The following UNC79 variants were observed in gnomAD, a reference collection of about 807,000 sequenced individuals.
The protein encoded by UNC79 is protein unc-79 homolog.
In UNC79, 37 loss-of-function variants were observed where a neutral mutation model predicts 283.1. The ratio of observed to expected loss-of-function variants is 0.13; its 90% CI spans 0.10 to 0.17. The LOEUF (loss-of-function observed/expected upper bound fraction) is 0.17. Among genes scored for constraint, UNC79 ranks in the 10% least tolerant of loss-of-function variants. The pLI is 1.00. For synonymous variants in UNC79, 1,107 were observed against 1,200.2 expected (o/e 0.92, Z 1.61); for missense variants, 2,272 against 3,211.1 (o/e 0.71, Z 7.07).
chr14:93,381,227 T>A (rs998980412), intron 1 of UNC79, among the ~76,000 whole-genome samples: 2 of 152,174 alleles, frequency 1.3e-5, no homozygotes, highest in African/African-American at 4.8e-5. Flanking sequence ...ACGAACTACT[T>A]CTAGCCTATA....
chr14:93,583,277 C>T (rs2063947616), intron 20 of UNC79, among the ~76,000 whole-genome samples: 1 of 150,658 alleles, frequency 6.6e-6, no homozygotes, highest in Admixed American at 6.6e-5. Flanking sequence ...GAGATCGCAC[C>T]ATTGCACTCC....
chr14:93,608,367 A>C (rs1255351374), intron 26 of UNC79, among the ~76,000 whole-genome samples: 1 of 152,160 alleles, frequency 6.6e-6, no homozygotes, highest in Non-Finnish European at 1.5e-5. Flanking sequence ...CCAGCTGGAG[A>C]CATCAGGGAA....
At chr14:93,436,467 T>C (rs1300697331) in intron 1 of UNC79, among the ~76,000 whole-genome samples, 1 of 152,134 alleles carries the variant, frequency 6.6e-6, no homozygotes, top group African/African-American at 2.4e-5. Context: ...GTAGGCAGTT[T>C]TAGCACACAG....
intron 4 of UNC79, among the ~76,000 whole-genome samples, chr14:93,485,294 CTCTTT>C (rs1328460679): frequency 2.7e-5 from 4 of 150,764 alleles, no homozygotes; most frequent in African/African-American, 7.3e-5. Flanking sequence ...ACAAGAATTT[CTCTTT>C]TCTTTTTTTT....
intron 1 of UNC79, among the ~76,000 whole-genome samples, chr14:93,433,848 A>G (rs2140102599): frequency 6.6e-6 from 1 of 152,302 alleles, no homozygotes; most frequent in African/African-American, 2.4e-5. Context: ...GTAATGTATC[A>G]CAGAGATATG....
chr14:93,693,124 G>T (rs1176926953), intron 46 of UNC79, among the ~76,000 whole-genome samples: 1 of 152,182 alleles, frequency 6.6e-6, no homozygotes, highest in African/African-American at 2.4e-5. Context: ...GTTCTTTAGA[G>T]ATGCAAATGA....
chr14:93,490,384 G>T (rs984281566), intron 5 of UNC79, among the ~76,000 whole-genome samples: 4 of 152,076 alleles, frequency 2.6e-5, no homozygotes, highest in African/African-American at 4.8e-5. Flanking sequence ...CTTCCTCCTT[G>T]ATTAACAATT....
chr14:93,419,381 C>G (rs1198453300), intron 1 of UNC79, among the ~76,000 whole-genome samples: 2 of 151,266 alleles, frequency 1.3e-5, no homozygotes, highest in African/African-American at 4.8e-5. Context: ...CTTGGCCAGG[C>G]TCATCTTGAA....
chr14:93,415,283 G>T lies in UNC79; in HGVS notation c.-350-52388G>T, dbSNP rs537509319. Among the ~76,000 whole-genome samples the T allele has an allele frequency of 7.2e-5, 11 of 152,250 alleles. 1 individual carries two copies. In the East Asian group the frequency reaches 1.9e-3, roughly 27 times the overall value. Reference sequence around the variant, plus strand: ...CTTCATCTATTGAGATAATCATGTGGTTTTTGTCTTTGGTTCTGTTTATAT... The same window carrying T: ...CTTCATCTATTGAGATAATCATGTGTTTTTTGTCTTTGGTTCTGTTTATAT... On this transcript the variant is annotated intron_variant, in intron 1 of 49. Coordinates refer to the UNC79 transcript ENST00000256339.
In UNC79 at chr14:93,473,019, C is replaced by T. The variant is rs554073700; in HGVS notation, c.144-1070C>T. ...TTCTATTTTTAAATTAACAACTTTT[C>T]TGCTTTATCACTTTTACCAAAAAGG... is the stretch of plus-strand genomic sequence containing the variant. On this transcript the variant is annotated intron_variant, in intron 2 of 48. Coordinates refer to ENST00000555664, the Ensembl canonical transcript of UNC79. 1.9e-3 allele frequency among the ~76,000 whole-genome samples: 290 copies of T among 152,154 alleles called. 2 individuals are homozygous for T. The highest frequency in any genetic ancestry group is 6.6e-3 in the African/African-American group (275 of 41,566).
intron 20 of UNC79, among the ~76,000 whole-genome samples, chr14:93,585,408 C>G (rs2064149929): frequency 6.6e-6 from 1 of 152,180 alleles, no homozygotes; most frequent in African/African-American, 2.4e-5. Flanking sequence ...CCCTTTTTCC[C>G]ATCTTGAGGC....
At chr14:93,359,392 G>A (rs2054173138) in intron 1 of UNC79, among the ~76,000 whole-genome samples, 1 of 152,188 alleles carries the variant, frequency 6.6e-6, no homozygotes, top group Non-Finnish European at 1.5e-5. Flanking sequence ...CTGCATCTTT[G>A]AAAAGCCCTG....
At chr14:93,665,922 G>T (rs2072149203) in intron 40 of UNC79, among the ~76,000 whole-genome samples, 3 of 152,042 alleles carry the variant, frequency 2.0e-5, no homozygotes, top group Non-Finnish European at 4.4e-5. Flanking sequence ...GTGAAGGAAT[G>T]ATGCTCAGAA....
exon 1 of UNC79, chr14:93,333,294 C>T: frequency 5.3e-6 from 2 of 374,734 alleles, no homozygotes; most frequent in Non-Finnish European, 4.7e-6. Flanking sequence ...CTGCTTAGTC[C>T]AGCGAATTGT....
chr14:93,653,009 G>C (rs183712470), intron 35 of UNC79, among the ~76,000 whole-genome samples: 24 of 152,220 alleles, frequency 1.6e-4, no homozygotes, highest in Admixed American at 1.3e-3. Flanking sequence ...GGTAGATGTG[G>C]CACAATGAGG....
intron 41 of UNC79, among the ~76,000 whole-genome samples, chr14:93,674,418 G>A (rs1019618437): frequency 1.3e-5 from 2 of 152,194 alleles, no homozygotes; most frequent in African/African-American, 4.8e-5. Flanking sequence ...GGCTGTGCCA[G>A]AGGAATCAGC....
chr14:93,499,977 C>T (rs2059202918), intron 7 of UNC79, among the ~76,000 whole-genome samples: 1 of 152,008 alleles, frequency 6.6e-6, no homozygotes, highest in South Asian at 2.1e-4. Flanking sequence ...TGTAGCCAGA[C>T]ATTGGAGTGA....
At chr14:93,418,047 T>C (rs567755943) in intron 1 of UNC79, among the ~76,000 whole-genome samples, 1 of 152,048 alleles carries the variant, frequency 6.6e-6, no homozygotes, top group South Asian at 2.1e-4. Context: ...TCCAGCTTTG[T>C]TCCGTTGCTG....
At chr14:93,443,223 C>CTAAATAAATAAATAAATAAA (rs58351659) in intron 1 of UNC79, among the ~76,000 whole-genome samples, 18 of 144,644 alleles carry the variant, frequency 1.2e-4, no homozygotes, top group South Asian at 2.3e-4. Flanking sequence ...GAGTCAGTCT[C>CTAAATAAATAAATAAATAAA]TAAATAAATA....
Sources: gnomAD v4.1 joint callset for allele counts (sites outside exome capture counted in the v4.1 genomes callset) on GRCh38, gnomAD v4.1.1 for gene constraint, MANE v1.5 for transcripts, NCBI Gene and HGNC (gene_info 2026-07-23, HGNC 2026-07-21) for gene names.